The following HAUS7 variants were observed in gnomAD, a reference collection of about 807,000 sequenced individuals.
The protein encoded by HAUS7 is HAUS augmin-like complex subunit 7.
Under a neutral mutation model 28.4 loss-of-function variants are expected in HAUS7, and 3 were observed. That is an observed-to-expected ratio of 0.11 (90% confidence interval 0.05 to 0.27). The LOEUF is 0.27. HAUS7 is among the 10% of genes least tolerant of loss of function. The pLI is 1.00. For synonymous variants in HAUS7, 165 were observed against 132.1 expected (o/e 1.25, Z -1.71); for missense variants, 284 against 297.3 (o/e 0.96, Z 0.33).
rs781848994 is a variant in HAUS7, at chrX:153,456,269, G to A, written c.701C>T (p.Thr234Met). The A allele has an allele frequency of 9.1e-6, 11 of 1,203,626 alleles. No individual in the cohort carries two copies. Among genetic ancestry groups the A allele is most frequent in the East Asian group, 5.9e-5 (2 of 33,743 alleles). Residue 234 changes from threonine to methionine, a missense_variant, in exon 7 of 10, where the codon ACG becomes ATG. Transcript: ENST00000370211. ...ESAAKLHALR[T>M]EYFAQHEQGA... ...CCCAGGAGCTAGCACCCTCACCTCCGTTCTAAGCGCGTGCAACTTGGCAGC... is the reference window on the plus strand; with the variant it reads ...CCCAGGAGCTAGCACCCTCACCTCCATTCTAAGCGCGTGCAACTTGGCAGC...
In HAUS7 at chrX:153,455,547, T is replaced by C; in HGVS notation, c.925A>G (p.Ser309Gly). ...QATHQNLTSY[S>G]QLLQVVMAVA... ...GAGGGGAAGGGCACCCTTACTTGGC[T>C]GTAGGAAGTCAGATTCTGGTGCGTG... is the stretch of plus-strand genomic sequence containing the variant. Residue 309 changes from serine (S) to glycine (G), a missense_variant, in exon 8 of 10, where the codon AGC becomes GGC. Ser to Gly is a moderately conservative substitution (Grantham distance 56). Transcript: ENST00000370211. 8.4e-7 allele frequency: 1 copy of C among 1,184,802 alleles called. No individual in the cohort carries two copies. The highest frequency in any genetic ancestry group is 1.1e-6 in the Non-Finnish European group (1 of 871,838).
At position 153,456,562 on chromosome X, in the gene HAUS7, T is replaced by G. The variant is rs782294394; in HGVS notation, c.536A>C (p.Asn179Thr). 5.8e-5 allele frequency: 68 copies of G among 1,174,592 alleles called. No homozygotes were observed. The Middle Eastern group carries it at 1.2e-3, about 20-fold the overall frequency. ...CAGGGGCCACGGGTCGCACTCTGGA[T>G]TCAGGAGCATCTGCAGGTGGGGGCT... Reference protein sequence around the residue: ...FSSPHLQMLLNPECDPWPLDM... With the variant: ...FSSPHLQMLLTPECDPWPLDM... The change falls in exon 6 of 10, where the codon AAT (asparagine) becomes ACT (threonine). Residue 179 changes from asparagine (N) to threonine (T), a missense_variant. By Grantham distance (65) the Asn-to-Thr change is moderately conservative. Transcript: ENST00000370211.
At chrX:153,457,750 C>T (rs1035844933) in intron 4 of HAUS7, among the ~76,000 whole-genome samples, 5 of 113,083 alleles carry the variant, frequency 4.4e-5, no homozygotes, top group Non-Finnish European at 7.5e-5. Context: ...CTGAATTAGT[C>T]CCCCACTCGC....
intron 4 of HAUS7, among the ~76,000 whole-genome samples, chrX:153,460,402 A>C (rs1174695101): frequency 2.7e-5 from 3 of 111,656 alleles, no homozygotes; most frequent in African/African-American, 9.8e-5. Context: ...AAAATTGAGG[A>C]CGAAGTATCA....
rs781947894 is a variant in HAUS7, at chrX:153,456,055, A to T, written c.705+210T>A. On this transcript the variant is annotated intron_variant, in intron 7 of 9. Coordinates refer to ENST00000370211, the MANE Select transcript of HAUS7 (RefSeq NM_001385482.1). ...CGGCAAGGCACATGGCAATGTGCTC[A>T]GGCGTGGGCACCACCCAATACCTGA... Among the ~76,000 whole-genome samples the T allele has an allele frequency of 2.7e-5, 3 of 112,630 alleles. No homozygotes were observed. In the South Asian group the frequency reaches 1.1e-3, roughly 41 times the overall value.
chrX:153,486,016 T>C, intron 1 of HAUS7: 1 of 977,847 alleles, frequency 1.0e-6, no homozygotes, highest in Non-Finnish European at 1.3e-6. Context: ...TCCTGGATCA[T>C]AACCAGGTGC....
chrX:153,454,390 G>A lies in HAUS7; in HGVS notation c.1045+4C>T, dbSNP rs782196464. 11 of 1,109,998 alleles carry A rather than the reference G, an allele frequency of 9.9e-6. No individual in the cohort carries two copies. The highest frequency in any genetic ancestry group is 9.1e-5 in the South Asian group (5 of 54,748). 91.5% of individuals were successfully genotyped at this position (1,109,998 alleles called of 1,213,427 possible). ...GGCAGAGGGCCAGGTGGGCAGCCACGTACCTAGACTCATGACGGAGCTGCT... is the reference window on the plus strand; with the variant it reads ...GGCAGAGGGCCAGGTGGGCAGCCACATACCTAGACTCATGACGGAGCTGCT... On this transcript the variant is annotated splice_donor_region_variant and intron_variant, in intron 9 of 9. Coordinates refer to ENST00000370211, the MANE Select transcript of HAUS7 (RefSeq NM_001385482.1).
chrX:153,483,913 G>T (rs1556987914), intron 1 of HAUS7, among the ~76,000 whole-genome samples: 1 of 112,439 alleles, frequency 8.9e-6, no homozygotes, highest in South Asian at 3.7e-4. Flanking sequence ...GCGCGGAAGG[G>T]CTGGGGGCAC....
chrX:153,468,640 G>A (rs933620985), intron 2 of HAUS7, among the ~76,000 whole-genome samples: 37 of 112,383 alleles, frequency 3.3e-4, no homozygotes, highest in Non-Finnish European at 6.6e-4. Flanking sequence ...AGAGGACTGG[G>A]AAACGGGTCA....
At chrX:153,448,616 C>T (rs180735344) in intron 9 of HAUS7, among the ~76,000 whole-genome samples, 4,077 of 111,480 alleles carry the variant, frequency 0.037, 154 homozygotes, top group African/African-American at 0.12. Flanking sequence ...AACAGGAAAG[C>T]GAGCCTGGCG....
At chrX:153,483,888 CA>C (rs1170300743) in intron 1 of HAUS7, among the ~76,000 whole-genome samples, 1 of 111,967 alleles carries the variant, frequency 8.9e-6, no homozygotes, top group Non-Finnish European at 1.9e-5. Flanking sequence ...TAGGAGGTGA[CA>C]GGGGCAGGAA....
intron 1 of HAUS7, chrX:153,482,505 C>CAGGT (rs782565471): frequency 4.3e-5 from 32 of 751,885 alleles, no homozygotes; most frequent in Non-Finnish European, 5.0e-5. Flanking sequence ...CAGGCCTGGG[C>CAGGT]AGGTGCCCCA....
intron 1 of HAUS7, 85 bp downstream of exon 1, chrX:153,470,365 G>C: frequency 2.0e-6 from 2 of 999,765 alleles, no homozygotes; most frequent in Non-Finnish European, 2.7e-6. Flanking sequence ...GTGGCGCCGC[G>C]GACTTCCGCA....
At chrX:153,451,402 T>C (rs2089237854) in intron 9 of HAUS7, among the ~76,000 whole-genome samples, 1 of 112,442 alleles carries the variant, frequency 8.9e-6, no homozygotes, top group Non-Finnish European at 1.9e-5. Flanking sequence ...GTGATTAGGA[T>C]AAACGCTATA....
Position 153,455,583 on chromosome X carries a change from T to C in HAUS7, c.889A>G (p.Ile297Val), listed in dbSNP as rs781841239. 9 of 1,207,221 alleles carry C rather than the reference T, an allele frequency of 7.5e-6. No individual in the cohort carries two copies. The African/African-American group carries it at 1.2e-4, about 16-fold the overall frequency. ...AGATTCTGGTGCGTGGCCTGGATGA[T>C]GGGGCCGCACGGGTGGAGGTCAGGG... Reference protein sequence around the residue: ...PGPDLHPCGPIIQATHQNLTS... With the variant: ...PGPDLHPCGPVIQATHQNLTS... Residue 297 changes from isoleucine (I) to valine (V), a missense_variant, in exon 8 of 10, where the codon ATC (isoleucine) becomes GTC (valine). Physicochemically the swap from Ile to Val is conservative, Grantham distance 29. Transcript: ENST00000370211.
intron 8 of HAUS7, 83 bp downstream of exon 8, chrX:153,455,459 C>G: frequency 4.5e-6 from 3 of 660,029 alleles, no homozygotes; most frequent in Non-Finnish European, 7.2e-6. Context: ...TGCTGAGGCC[C>G]CTGAGCCCAA....
At chrX:153,482,064 G>A (rs1386163794) in intron 1 of HAUS7, 3 of 261,675 alleles carry the variant, frequency 1.1e-5, no homozygotes, top group South Asian at 1.9e-4. Flanking sequence ...ACTGCAGAGA[G>A]CAGCCAGCAT....
intron 4 of HAUS7, among the ~76,000 whole-genome samples, chrX:153,458,947 G>A (rs1374350258): frequency 1.8e-5 from 2 of 111,467 alleles, no homozygotes; most frequent in African/African-American, 6.5e-5. Flanking sequence ...TTGTAGAGAC[G>A]GGGTCTTACG....
At chrX:153,491,563 T>A (rs2089671259) in intron 1 of HAUS7, among the ~76,000 whole-genome samples, 1 of 112,798 alleles carries the variant, frequency 8.9e-6, no homozygotes, top group African/African-American at 3.2e-5. Flanking sequence ...TTCCGTCCCA[T>A]GGCTGCCGCC....
Sources: allele counts gnomAD v4.1 joint callset (sites outside exome capture counted in the v4.1 genomes callset), GRCh38; gene constraint gnomAD v4.1.1; transcripts MANE v1.5; gene names NCBI Gene and HGNC (gene_info 2026-07-23, HGNC 2026-07-21).